The following CPEB3 variants were observed in gnomAD, a reference collection of about 807,000 sequenced individuals.
CPEB3 encodes the protein cytoplasmic polyadenylation element binding protein 3.
Under a neutral mutation model 67.2 loss-of-function variants are expected in CPEB3, and 20 were observed. The observed-to-expected ratio is 0.30, with a 90% CI of 0.21 to 0.43. The LOEUF is 0.43. Among genes scored for constraint, CPEB3 ranks in the 20% least tolerant of loss-of-function variants. The probability of loss-of-function intolerance (pLI) is 1.00; values close to 1 mark genes in which losing one functional copy is unlikely to be tolerated. For synonymous variants in CPEB3, 376 were observed against 393.1 expected, an observed-to-expected ratio of 0.96 and a Z score of 0.51; for missense variants, 746 against 968.6, an observed-to-expected ratio of 0.77 and a Z score of 3.05.
chr10:92,250,931 T>G (rs113962284), intron 1 of CPEB3, among the ~76,000 whole-genome samples: 4,635 of 149,972 alleles, frequency 0.031, 88 homozygotes, highest in Non-Finnish European at 0.047. Context: ...TGGGAAACTT[T>G]CGTTGCCCAG....
chr10:92,152,407 T>C (rs1847006134), intron 4 of CPEB3, among the ~76,000 whole-genome samples: 2 of 152,224 alleles, frequency 1.3e-5, no homozygotes. Context: ...ACTCTTGAGA[T>C]TGGCTTCTTT....
chr10:92,203,103 G>A (rs900685557), intron 2 of CPEB3, among the ~76,000 whole-genome samples: 33 of 151,028 alleles, frequency 2.2e-4, no homozygotes, highest in South Asian at 6.3e-4. Context: ...CACAAAGCCC[G>A]GCTAATTTTT....
chr10:92,169,225 A>G (rs1382246279), intron 4 of CPEB3, among the ~76,000 whole-genome samples: 13 of 130,788 alleles, frequency 9.9e-5, no homozygotes, highest in East Asian at 6.9e-4. Context: ...TGCAACCTCC[A>G]CCTCCCAGGT....
chr10:92,226,457 A>G (rs1564885518), intron 2 of CPEB3, among the ~76,000 whole-genome samples: 1 of 152,212 alleles, frequency 6.6e-6, no homozygotes, highest in Admixed American at 6.5e-5. Context: ...TTAATTACTC[A>G]CACTGGTAGC....
intron 3 of CPEB3, among the ~76,000 whole-genome samples, chr10:92,185,190 T>G (rs557812018): frequency 1.1e-4 from 16 of 152,228 alleles, no homozygotes; most frequent in Admixed American, 2.6e-4. Context: ...TCGTCACCTG[T>G]CCATGGTCTG....
intron 8 of CPEB3, among the ~76,000 whole-genome samples, chr10:92,091,462 T>TAA (rs539990313): frequency 6.9e-6 from 1 of 145,494 alleles, no homozygotes; most frequent in Non-Finnish European, 1.5e-5. Flanking sequence ...GAAAGGAACT[T>TAA]AAAAAAAAAA....
intron 6 of CPEB3, among the ~76,000 whole-genome samples, chr10:92,117,395 T>C (rs1331277590): frequency 6.9e-6 from 1 of 145,970 alleles, no homozygotes; most frequent in Non-Finnish European, 1.5e-5. Context: ...AGTGGTGTGA[T>C]CTTGGCTCAC....
At chr10:92,112,894 A>G (rs1844820529) in intron 6 of CPEB3, among the ~76,000 whole-genome samples, 1 of 152,240 alleles carries the variant, frequency 6.6e-6, no homozygotes. Flanking sequence ...CTCACACATC[A>G]GAGGTGTTTA....
intron 1 of CPEB3, among the ~76,000 whole-genome samples, chr10:92,289,749 A>T (rs1842733254): frequency 8.7e-6 from 1 of 115,042 alleles, no homozygotes; most frequent in South Asian, 2.3e-4. Flanking sequence ...ATATATATAT[A>T]TATATATATG....
At position 92,117,324 on chromosome 10, in the gene CPEB3, C is replaced by CT. The variant is rs35220275; in HGVS notation, c.1454-6131dup. ...GGCATGAGCCACCATGCCTGGCTGA[C>CT]TTTTTTTTTTTTTTTTTTTTTTTGA... On this transcript the variant is annotated intron_variant, in intron 6 of 9. Transcript: ENST00000265997. Among the ~76,000 whole-genome samples, 664 of 79,968 alleles carry CT rather than the reference C, an allele frequency of 8.3e-3. 11 individuals carry two copies. The highest frequency in any genetic ancestry group is 0.018 in the East Asian group (46 of 2,574). 52.5% of individuals were successfully genotyped at this position (79,968 alleles called of 152,430 possible). A position where few individuals can be genotyped will look rare whatever the true frequency, so the allele number is the denominator to read the frequency against.
intron 4 of CPEB3, among the ~76,000 whole-genome samples, chr10:92,167,978 G>A (rs540575527): frequency 1.3e-5 from 2 of 151,912 alleles, no homozygotes; most frequent in Non-Finnish European, 2.9e-5. Context: ...AACAGATATA[G>A]TAATAACAAA....
Position 92,225,933 on chromosome 10 carries a change from C to T in CPEB3, c.1005+13413G>A, listed in dbSNP as rs143221157. On this transcript the variant is annotated intron_variant, in intron 2 of 9. Transcript: ENST00000265997. Reference sequence around the variant, plus strand: ...CCTACATGGTGAAATCCAATCCCTACTGAAAATACAAAAATTAGCCGGGCG... The same window carrying T: ...CCTACATGGTGAAATCCAATCCCTATTGAAAATACAAAAATTAGCCGGGCG... Among the ~76,000 whole-genome samples the T allele has an allele frequency of 2.4e-3, 359 of 152,240 alleles. 1 individual carries two copies. The highest frequency in any genetic ancestry group is 8.0e-3 in the African/African-American group (333 of 41,536).
At position 92,226,884 on chromosome 10, in the gene CPEB3, G is replaced by C. The variant is rs989880208; in HGVS notation, c.1005+12462C>G. Among the ~76,000 whole-genome samples the C allele has an allele frequency of 2.0e-5, 3 of 147,876 alleles. No homozygotes were observed. In the East Asian group the frequency reaches 6.0e-4, roughly 30 times the overall value. ...CTGGAAGGAGGGGAAGGGATGGAGG[G>C]AACAGGGAGGGGGGAGCGAACCCAG... On this transcript the variant is annotated intron_variant, in intron 2 of 9. Transcript: ENST00000265997.
At chr10:92,104,588 C>T (rs1055159007) in intron 7 of CPEB3, among the ~76,000 whole-genome samples, 3 of 151,874 alleles carry the variant, frequency 2.0e-5, no homozygotes, top group Non-Finnish European at 2.9e-5. Flanking sequence ...GGGGTTTCAC[C>T]GTGTTAGCCA....
intron 1 of CPEB3, among the ~76,000 whole-genome samples, chr10:92,259,457 C>T (rs1218874989): frequency 2.6e-5 from 4 of 151,838 alleles, no homozygotes; most frequent in African/African-American, 9.7e-5. Context: ...CAAAATTAGC[C>T]GGGCGTGGTG....
chr10:92,115,830 C>T (rs566898944), intron 6 of CPEB3, among the ~76,000 whole-genome samples: 3 of 151,300 alleles, frequency 2.0e-5, no homozygotes, highest in Admixed American at 2.0e-4. Flanking sequence ...TGTGAAAAAA[C>T]AAAAAAAAAT....
At chr10:92,083,215 C>A (rs1843228158) in intron 8 of CPEB3, among the ~76,000 whole-genome samples, 1 of 152,172 alleles carries the variant, frequency 6.6e-6, no homozygotes, top group Non-Finnish European at 1.5e-5. Context: ...TAGTAATTTT[C>A]AGAAGGTGAG....
intron 4 of CPEB3, among the ~76,000 whole-genome samples, chr10:92,153,348 ATTT>A (rs959823590): frequency 1.3e-5 from 2 of 152,194 alleles, no homozygotes; most frequent in Admixed American, 1.3e-4. Context: ...ATATCAATAT[ATTT>A]TTTATGAACT....
chr10:92,212,257 G>GCAACAAGACAGTGGTA (rs1253426729), intron 2 of CPEB3, among the ~76,000 whole-genome samples: 1 of 149,278 alleles, frequency 6.7e-6, no homozygotes, highest in Non-Finnish European at 1.5e-5. Context: ...TGTTGCCCAG[G>GCAACAAGACAGTGGTA]CAACAAGACA....
Sources: allele counts gnomAD v4.1 joint callset (sites outside exome capture counted in the v4.1 genomes callset), GRCh38; gene constraint gnomAD v4.1.1; transcripts MANE v1.5; gene names NCBI Gene and HGNC (gene_info 2026-07-23, HGNC 2026-07-21).